The following CD55 variants were observed in gnomAD, a reference collection of about 807,000 sequenced individuals.
CD55 encodes the protein CD55 molecule (Cromer blood group).
A neutral mutation model predicts 45.8 loss-of-function variants in CD55; 41 were observed. The ratio of observed to expected loss-of-function variants is 0.90; its 90% CI spans 0.70 to 1.16. The LOEUF is 1.16. Among genes scored for constraint, CD55 ranks in the 50% most tolerant of loss-of-function variants. The probability of loss-of-function intolerance (pLI) is 0.00; values close to 1 mark genes in which losing one functional copy is unlikely to be tolerated. For synonymous variants in CD55, 181 were observed against 181.1 expected, an observed-to-expected ratio of 1.00 and a Z score of 0.01; for missense variants, 416 against 469.8, an observed-to-expected ratio of 0.89 and a Z score of 1.06.
intron 9 of CD55, among the ~76,000 whole-genome samples, chr1:207,356,845 G>T (rs1240299098): frequency 6.6e-6 from 1 of 152,122 alleles, no homozygotes; most frequent in Non-Finnish European, 1.5e-5. Context: ...GCTCTGATGT[G>T]TCCTGTAGAC....
intron 9 of CD55, among the ~76,000 whole-genome samples, chr1:207,358,324 A>G (rs990545212): frequency 6.6e-6 from 1 of 152,158 alleles, no homozygotes; most frequent in Non-Finnish European, 1.5e-5. Context: ...TGCAAGTGAT[A>G]ATGTGGTTTC....
chr1:207,322,372 G>A lies in CD55; in HGVS notation c.101-10G>A. 1 of 1,613,126 alleles carries A rather than the reference G, an allele frequency of 6.2e-7. No homozygotes were observed. Among genetic ancestry groups the A allele is most frequent in the East Asian group, 2.2e-5 (1 of 44,872 alleles). On this transcript the variant is annotated splice_polypyrimidine_tract_variant and intron_variant, in intron 1 of 9. Coordinates refer to ENST00000367064, the MANE Select transcript of CD55 (RefSeq NM_000574.5). ...AGTCATTTCCTTCAGTTCTGCTTTT[G>A]TCTCCCTAGGTGACTGTGGCCTTCC...
intron 7 of CD55, chr1:207,337,096 T>C (rs906221904): frequency 1.5e-5 from 9 of 605,712 alleles, no homozygotes; most frequent in African/African-American, 1.3e-4. Flanking sequence ...CAGCAGCAGC[T>C]CAGACATCTT....
At chr1:207,348,539 T>A (rs1372820362) in intron 9 of CD55, among the ~76,000 whole-genome samples, 1 of 152,176 alleles carries the variant, frequency 6.6e-6, no homozygotes, top group Non-Finnish European at 1.5e-5. Flanking sequence ...TCTGTTGATA[T>A]ATATTTTTTT....
At chr1:207,334,048 C>G (rs1655065065) in intron 6 of CD55, among the ~76,000 whole-genome samples, 1 of 151,930 alleles carries the variant, frequency 6.6e-6, no homozygotes, top group Non-Finnish European at 1.5e-5. Context: ...CCAACAGATT[C>G]AAGAAGCTCT....
chr1:207,359,797 T>C lies in CD55; in HGVS notation c.*187T>C. 1 of 555,220 alleles carries C rather than the reference T, an allele frequency of 1.8e-6. No homozygotes were observed. The highest frequency in any genetic ancestry group is 2.9e-6 in the Non-Finnish European group (1 of 347,810). 34.4% of individuals were successfully genotyped at this position (555,220 alleles called of 1,614,324 possible). A position where few individuals can be genotyped will look rare whatever the true frequency, so the allele number is the denominator to read the frequency against. The stretch of plus-strand genomic sequence containing the variant: ...AAAAGGCAGTCCTGGAATCACATTC[T>C]TAGCACACCTACACCTCTTGAAAAT... On this transcript the variant is annotated 3_prime_UTR_variant, in exon 10 of 10. Transcript: ENST00000367064.
At position 207,321,809 on chromosome 1, in the gene CD55, T is replaced by C; in HGVS notation, c.44T>C (p.Leu15Pro). The change falls in exon 1 of 10, where the codon CTC (leucine) becomes CCC (proline). Residue 15 changes from leucine (L) to proline (P), a missense_variant. By Grantham distance (98) the Leu-to-Pro change is moderately conservative (BLOSUM62 -3). Transcript: ENST00000367064. ...RPSVPAALPLLGELPRLLLLV... is the reference protein window; with the variant it reads ...RPSVPAALPLPGELPRLLLLV... ...AGCGTGCCCGCGGCGCTGCCCCTCC[T>C]CGGGGAGCTGCCCCGGCTGCTGCTG... is the stretch of plus-strand genomic sequence containing the variant. 1 of 1,528,144 alleles carries C rather than the reference T, an allele frequency of 6.5e-7. No individual in the cohort carries two copies. Among genetic ancestry groups the C allele is most frequent in the Non-Finnish European group, 8.7e-7 (1 of 1,143,358 alleles). 94.7% of individuals were successfully genotyped at this position (1,528,144 alleles called of 1,614,324 possible).
intron 9 of CD55, chr1:207,340,571 T>A (rs1283471037): frequency 4.3e-6 from 3 of 697,506 alleles, no homozygotes; most frequent in Non-Finnish European, 7.8e-6. Flanking sequence ...AGGATTTTCC[T>A]ATGTTGCCCA....
Position 207,350,376 on chromosome 1 carries a change from T to C in CD55, c.1082-9170T>C, listed in dbSNP as rs569555826. ...TGGTATCAGTGTGATGCTGGCCTTA[T>C]AGAATGAGGAGTCCCTCCTCCTTGA... On this transcript the variant is annotated intron_variant, in intron 9 of 9. Coordinates refer to ENST00000367064, the MANE Select transcript of CD55 (RefSeq NM_000574.5). Among the ~76,000 whole-genome samples, 3 of 152,282 alleles carry C rather than the reference T, an allele frequency of 2.0e-5. No individual in the cohort carries two copies. In the East Asian group the frequency reaches 5.8e-4, roughly 29 times the overall value.
intron 9 of CD55, chr1:207,354,206 T>G: frequency 1.4e-5 from 18 of 1,296,186 alleles, no homozygotes; most frequent in Non-Finnish European, 1.8e-5. Flanking sequence ...ATATCAGGTA[T>G]TTTATTGAAA....
rs28371634 is a variant in CD55, at chr1:207,352,646, G to T, written c.1082-6900G>T. 4.9e-3 allele frequency among the ~76,000 whole-genome samples: 746 copies of T among 152,194 alleles called. 3 individuals carry two copies. The highest frequency in any genetic ancestry group is 0.017 in the African/African-American group (721 of 41,540). On this transcript the variant is annotated intron_variant, in intron 9 of 9. Transcript: ENST00000367064. ...AAGAGATAGAGATTGTGATTCCTAT[G>T]TGAAGTATTTGAAGCTTAATGTGAT... is the stretch of plus-strand genomic sequence containing the variant.
At chr1:207,353,108 C>T (rs1423459868) in intron 9 of CD55, among the ~76,000 whole-genome samples, 1 of 121,394 alleles carries the variant, frequency 8.2e-6, no homozygotes, top group Admixed American at 1.1e-4. Flanking sequence ...GGCTGGTGTG[C>T]AGTGGTGCAA....
At chr1:207,330,633 C>T (rs1228001528) in intron 5 of CD55, among the ~76,000 whole-genome samples, 1 of 152,142 alleles carries the variant, frequency 6.6e-6, no homozygotes, top group African/African-American at 2.4e-5. Context: ...TTTTCAACTC[C>T]TTGCATTTGC....
chr1:207,342,701 G>T (rs1655476468), intron 9 of CD55, among the ~76,000 whole-genome samples: 1 of 152,092 alleles, frequency 6.6e-6, no homozygotes, highest in Non-Finnish European at 1.5e-5. Flanking sequence ...TCAGGGTAAT[G>T]CTGGCCTTAT....
intron 1 of CD55, chr1:207,322,103 G>A: frequency 4.8e-6 from 3 of 623,922 alleles, no homozygotes; most frequent in Non-Finnish European, 8.7e-6. Context: ...AAGAGGCCCC[G>A]GCTGGGTTTG....
chr1:207,359,834 C>T lies in CD55; in HGVS notation c.*224C>T. On this transcript the variant is annotated 3_prime_UTR_variant, in exon 10 of 10. Transcript: ENST00000367064. The stretch of plus-strand genomic sequence containing the variant: ...CACCTCTTGAAAATAGAACAACTTG[C>T]AGAATTGAGAGTGATTCCTTTCCTA... 7.5e-6 allele frequency: 3 copies of T among 399,486 alleles called. No individual in the cohort carries two copies. Among genetic ancestry groups the T allele is most frequent in the African/African-American group, 2.1e-5 (1 of 48,304 alleles). The allele number at this position is 399,486 out of a possible 1,614,324, so 24.7% of individuals were successfully genotyped here.
intron 6 of CD55, among the ~76,000 whole-genome samples, chr1:207,332,540 T>C (rs758395684): frequency 6.6e-5 from 10 of 152,244 alleles, no homozygotes; most frequent in African/African-American, 9.6e-5. Flanking sequence ...TAATGATTGT[T>C]AGGGAGATTT....
chr1:207,324,451 G>A (rs1047205304), intron 2 of CD55, 108 bp from the exon 3 acceptor site: 13 of 627,570 alleles, frequency 2.1e-5, no homozygotes, highest in African/African-American at 1.3e-4. Context: ...CTAAATATGC[G>A]CAAAGCAGTA....
Position 207,354,252 on chromosome 1 carries a change from G to C in CD55, c.1082-5294G>C, listed in dbSNP as rs927554121. Reference sequence around the variant, plus strand: ...CAGTTAAAATTATGGCCTGAATCTGGGGCTAGAAGTGAGTTTTTCTATGGC... The same window carrying C: ...CAGTTAAAATTATGGCCTGAATCTGCGGCTAGAAGTGAGTTTTTCTATGGC... On this transcript the variant is annotated intron_variant, in intron 9 of 9. Coordinates refer to ENST00000367064, the MANE Select transcript of CD55 (RefSeq NM_000574.5). 4 of 984,632 alleles carry C rather than the reference G, an allele frequency of 4.1e-6. No homozygotes were observed. The African/African-American group carries it at 7.0e-5, about 17-fold the overall frequency. The allele number at this position is 984,632 out of a possible 1,614,324, so 61.0% of individuals were successfully genotyped here.
Sources: allele counts gnomAD v4.1 joint callset (sites outside exome capture counted in the v4.1 genomes callset), GRCh38; gene constraint gnomAD v4.1.1; transcripts MANE v1.5; gene names NCBI Gene and HGNC (gene_info 2026-07-23, HGNC 2026-07-21).